The following KCNIP1 variants were observed in gnomAD, a reference collection of about 807,000 sequenced individuals.
KCNIP1 encodes A-type potassium channel modulatory protein KCNIP1.
KCNIP1 carries 18 observed loss-of-function variants against 33.0 expected under a neutral mutation model. That is an observed-to-expected ratio of 0.55 (90% CI 0.38 to 0.81). KCNIP1 has a LOEUF of 0.81. Among genes scored for constraint, KCNIP1 ranks in the 30% least tolerant of loss-of-function variants. The probability of loss-of-function intolerance (pLI) is 0.00; values close to 1 mark genes in which losing one functional copy is unlikely to be tolerated. For synonymous variants in KCNIP1, 93 were observed against 98.3 expected (o/e 0.95, Z 0.32); for missense variants, 238 against 271.6 (o/e 0.88, Z 0.87).
chr5:170,441,884 C>T (rs765135429), intron 1 of KCNIP1, among the ~76,000 whole-genome samples: 56 of 144,420 alleles, frequency 3.9e-4, no homozygotes, highest in Non-Finnish European at 7.2e-4. Flanking sequence ...CCCAGGAGGC[C>T]GAGCTTGCAG....
rs539763214 is a variant in KCNIP1, at chr5:170,671,633, T to C, written c.62-47125T>C. Among the ~76,000 whole-genome samples the C allele has an allele frequency of 9.8e-5, 15 of 152,348 alleles. No individual in the cohort carries two copies. The South Asian group carries it at 3.1e-3, about 32-fold the overall frequency. ...TGAGTTATGTCTGTCTCCCCCAGTA[T>C]GCCACTAGTATTAGAATCATTGATT... On this transcript the variant is annotated intron_variant, in intron 1 of 7. Transcript: ENST00000328939.
At chr5:170,359,883 C>T (rs756601139) in intron 1 of KCNIP1, among the ~76,000 whole-genome samples, 3 of 152,204 alleles carry the variant, frequency 2.0e-5, no homozygotes, top group African/African-American at 7.2e-5. Context: ...CTGGAGCCTC[C>T]GGGTCTTTCT....
At chr5:170,394,236 C>G (rs768236371) in intron 1 of KCNIP1, among the ~76,000 whole-genome samples, 35 of 152,230 alleles carry the variant, frequency 2.3e-4, no homozygotes, top group Non-Finnish European at 4.6e-4. Context: ...CCTCCTGGGC[C>G]AGGCGGAAGC....
intron 1 of KCNIP1, among the ~76,000 whole-genome samples, chr5:170,572,877 ATCCATGGAATGTTTAC>A (rs1184008412): frequency 6.6e-6 from 1 of 152,262 alleles, no homozygotes; most frequent in Non-Finnish European, 1.5e-5. Flanking sequence ...AATGGCCACT[ATCCATGGAATGTTTAC>A]TCTATTCCGG....
intron 1 of KCNIP1, among the ~76,000 whole-genome samples, chr5:170,468,711 T>C (rs1242138094): frequency 2.0e-5 from 3 of 151,364 alleles, no homozygotes; most frequent in African/African-American, 7.3e-5. Flanking sequence ...AGAAACCTTA[T>C]CTCTACTAAA....
At chr5:170,579,992 T>C (rs1561697703) in intron 1 of KCNIP1, among the ~76,000 whole-genome samples, 1 of 152,016 alleles carries the variant, frequency 6.6e-6, no homozygotes, top group Non-Finnish European at 1.5e-5. Flanking sequence ...AAAACAAGTT[T>C]CTTGCAAGTT....
intron 1 of KCNIP1, among the ~76,000 whole-genome samples, chr5:170,496,766 T>G (rs1300214760): frequency 6.6e-6 from 1 of 152,134 alleles, no homozygotes; most frequent in Non-Finnish European, 1.5e-5. Context: ...GTCTCACCCG[T>G]CCACCCTCAA....
intron 1 of KCNIP1, among the ~76,000 whole-genome samples, chr5:170,567,714 T>C (rs1483839064): frequency 1.3e-5 from 2 of 152,234 alleles, no homozygotes; most frequent in African/African-American, 2.4e-5. Flanking sequence ...AAAGTGATGA[T>C]GTTCTGGAAA....
chr5:170,606,273 C>T (rs1468187566), intron 1 of KCNIP1, among the ~76,000 whole-genome samples: 2 of 152,156 alleles, frequency 1.3e-5, no homozygotes, highest in African/African-American at 2.4e-5. Context: ...GGAGTGGAAT[C>T]GTTGGCTCAT....
intron 1 of KCNIP1, among the ~76,000 whole-genome samples, chr5:170,621,690 G>A (rs114270450): frequency 0.015 from 2,287 of 152,148 alleles, 64 homozygotes; most frequent in African/African-American, 0.052. Flanking sequence ...TCAATTTTTT[G>A]TAGAGACAGG....
intron 1 of KCNIP1, among the ~76,000 whole-genome samples, chr5:170,529,231 A>G (rs2113338814): frequency 6.6e-6 from 1 of 152,220 alleles, no homozygotes; most frequent in East Asian, 1.9e-4. Flanking sequence ...CATTCTCAGG[A>G]AATGCTCTAA....
At chr5:170,424,236 C>T (rs944685656) in intron 1 of KCNIP1, among the ~76,000 whole-genome samples, 11 of 152,146 alleles carry the variant, frequency 7.2e-5, no homozygotes, top group East Asian at 1.9e-4. Context: ...AGAGCAGGCA[C>T]GAAGCTGCCA....
intron 1 of KCNIP1, among the ~76,000 whole-genome samples, chr5:170,683,205 C>G (rs1762418695): frequency 6.6e-6 from 1 of 152,072 alleles, no homozygotes; most frequent in Non-Finnish European, 1.5e-5. Flanking sequence ...CTACAATGTG[C>G]CAGGTACAGT....
chr5:170,549,856 G>T (rs1756543748), intron 1 of KCNIP1, among the ~76,000 whole-genome samples: 1 of 152,046 alleles, frequency 6.6e-6, no homozygotes. Flanking sequence ...TCATTTTTTG[G>T]GTAGAATTCA....
chr5:170,535,819 G>C (rs937666886), intron 1 of KCNIP1, among the ~76,000 whole-genome samples: 24 of 152,166 alleles, frequency 1.6e-4, no homozygotes, highest in Non-Finnish European at 3.5e-4. Flanking sequence ...CTCATCTCCA[G>C]ACCAGATAAA....
At chr5:170,557,597 C>T (rs1756884604) in intron 1 of KCNIP1, among the ~76,000 whole-genome samples, 1 of 152,058 alleles carries the variant, frequency 6.6e-6, no homozygotes, top group South Asian at 2.1e-4. Context: ...TCAGATAGTG[C>T]CAGTGGAGAG....
At chr5:170,525,755 G>A (rs566375335) in intron 1 of KCNIP1, among the ~76,000 whole-genome samples, 3 of 152,348 alleles carry the variant, frequency 2.0e-5, no homozygotes, top group African/African-American at 7.2e-5. Context: ...GGTGGGCAGA[G>A]CCATGTGATG....
chr5:170,652,957 A>G (rs1181870927), intron 1 of KCNIP1, among the ~76,000 whole-genome samples: 1 of 152,210 alleles, frequency 6.6e-6, no homozygotes, highest in Non-Finnish European at 1.5e-5. Flanking sequence ...GCCTTCCTGG[A>G]GCTGACATTT....
chr5:170,639,703 G>A (rs918216239), intron 1 of KCNIP1, among the ~76,000 whole-genome samples: 9 of 152,088 alleles, frequency 5.9e-5, no homozygotes, highest in Non-Finnish European at 1.0e-4. Context: ...CTCTCCTCCT[G>A]TCTCCCCCTG....
Sources: gnomAD v4.1 joint callset for allele counts (sites outside exome capture counted in the v4.1 genomes callset) on GRCh38, gnomAD v4.1.1 for gene constraint, MANE v1.5 for transcripts, NCBI Gene and HGNC (gene_info 2026-07-23, HGNC 2026-07-21) for gene names.